SNX29: variants seen among roughly 807,000 people sequenced by gnomAD.
SNX29 encodes sorting nexin 29, also known as sorting nexin-29.
A neutral mutation model predicts 102.1 loss-of-function variants in SNX29; 78 were observed. The ratio of observed to expected loss-of-function variants is 0.76; its 90% CI spans 0.64 to 0.92. The LOEUF (loss-of-function observed/expected upper bound fraction) is 0.92. Ranked by LOEUF, SNX29 falls within the 40% of genes least tolerant of loss-of-function variation. The pLI, the probability that SNX29 is intolerant of heterozygous loss-of-function variation, is 0.00. For missense variants in SNX29, 1,280 were observed against 1,061.7 expected, an observed-to-expected ratio of 1.21 and a Z score of -2.86; for synonymous variants, 580 against 414.5, an observed-to-expected ratio of 1.40 and a Z score of -4.85.
chr16:12,553,429 C>T (rs888437716), intron 20 of SNX29, among the ~76,000 whole-genome samples: 3 of 152,200 alleles, frequency 2.0e-5, no homozygotes, highest in East Asian at 1.9e-4. Context: ...GTCTGACACA[C>T]TCCAACCTGC....
intron 20 of SNX29, among the ~76,000 whole-genome samples, chr16:12,556,179 A>G (rs1211065255): frequency 6.6e-6 from 1 of 152,190 alleles, no homozygotes; most frequent in Non-Finnish European, 1.5e-5. Flanking sequence ...GACACATCCC[A>G]GATGTTGCTG....
chr16:11,993,527 G>A (rs1299705545), intron 1 of SNX29, among the ~76,000 whole-genome samples: 1 of 152,122 alleles, frequency 6.6e-6, no homozygotes, highest in African/African-American at 2.4e-5. Context: ...TTAAATGCTT[G>A]GTATATACCA....
At chr16:12,395,207 A>G (rs533316184) in intron 16 of SNX29, among the ~76,000 whole-genome samples, 2 of 152,268 alleles carry the variant, frequency 1.3e-5, no homozygotes, top group African/African-American at 4.8e-5. Flanking sequence ...AGGTTTGAGG[A>G]CTTGCCAGTC....
intron 13 of SNX29, among the ~76,000 whole-genome samples, chr16:12,138,356 T>A (rs956945793): frequency 2.0e-5 from 3 of 151,964 alleles, no homozygotes; most frequent in Non-Finnish European, 4.4e-5. Context: ...TACAGGCATG[T>A]GCCACCATGC....
intron 19 of SNX29, among the ~76,000 whole-genome samples, chr16:12,479,266 C>G (rs981243918): frequency 3.9e-5 from 6 of 152,146 alleles, no homozygotes; most frequent in East Asian, 1.9e-4. Context: ...CCATATGGGG[C>G]GAATCCCTAG....
chr16:12,200,828 C>T (rs1429208498), intron 14 of SNX29, among the ~76,000 whole-genome samples: 1 of 152,178 alleles, frequency 6.6e-6, no homozygotes, highest in Non-Finnish European at 1.5e-5. Flanking sequence ...AATTCATGCT[C>T]ACCCACGACC....
At chr16:12,008,627 T>C (rs952830673) in intron 3 of SNX29, among the ~76,000 whole-genome samples, 3 of 152,088 alleles carry the variant, frequency 2.0e-5, no homozygotes, top group South Asian at 2.1e-4. Flanking sequence ...AAACAATATG[T>C]TTTTCGTATG....
At chr16:12,344,505 T>C (rs1243975169) in intron 15 of SNX29, among the ~76,000 whole-genome samples, 1 of 152,164 alleles carries the variant, frequency 6.6e-6, no homozygotes, top group African/African-American at 2.4e-5. Context: ...TGGCAAATGG[T>C]AGATGCTCAG....
At chr16:12,415,251 A>G (rs1039700972) in intron 18 of SNX29, among the ~76,000 whole-genome samples, 33 of 152,240 alleles carry the variant, frequency 2.2e-4, no homozygotes, top group African/African-American at 7.2e-4. Context: ...AGCGCTGTAC[A>G]AGCGCCACAC....
chr16:12,175,088 G>A (rs949065376), intron 13 of SNX29, among the ~76,000 whole-genome samples: 2 of 152,130 alleles, frequency 1.3e-5, no homozygotes, highest in Admixed American at 6.6e-5. Flanking sequence ...ATTATTTGGG[G>A]ATTATTCTGT....
intron 14 of SNX29, among the ~76,000 whole-genome samples, chr16:12,202,318 A>G (rs1190500375): frequency 1.3e-5 from 2 of 152,088 alleles, no homozygotes; most frequent in Admixed American, 6.5e-5. Flanking sequence ...TGGCTTCATT[A>G]TCTAATGGAA....
At chr16:12,289,282 T>A (rs1434751247) in intron 15 of SNX29, among the ~76,000 whole-genome samples, 1 of 152,236 alleles carries the variant, frequency 6.6e-6, no homozygotes, top group Non-Finnish European at 1.5e-5. Flanking sequence ...CTACTGGCAC[T>A]GTCTTCTTCT....
intron 4 of SNX29, among the ~76,000 whole-genome samples, chr16:12,031,876 C>T (rs149755620): frequency 1.8e-4 from 27 of 152,220 alleles, no homozygotes; most frequent in Middle Eastern, 3.4e-3. Flanking sequence ...CCATTTCAGC[C>T]ATTTGAAGTG....
At chr16:12,185,707 T>C (rs2141864691) in intron 13 of SNX29, among the ~76,000 whole-genome samples, 1 of 152,342 alleles carries the variant, frequency 6.6e-6, no homozygotes, top group South Asian at 2.1e-4. Flanking sequence ...GACTGTGACT[T>C]GTGCAAGAGC....
At chr16:12,518,586 C>A (rs1259989354) in intron 19 of SNX29, among the ~76,000 whole-genome samples, 1 of 152,204 alleles carries the variant, frequency 6.6e-6, no homozygotes, top group African/African-American at 2.4e-5. Context: ...AGATATTCCT[C>A]CCTGCGAGGT....
At chr16:12,503,513 A>T (rs1194452750) in intron 19 of SNX29, among the ~76,000 whole-genome samples, 1 of 152,210 alleles carries the variant, frequency 6.6e-6, no homozygotes, top group Non-Finnish European at 1.5e-5. Flanking sequence ...GGGGATGCCC[A>T]GGGAGTATCA....
At chr16:12,295,357 A>T (rs749808644) in intron 15 of SNX29, among the ~76,000 whole-genome samples, 6 of 152,208 alleles carry the variant, frequency 3.9e-5, no homozygotes, top group Non-Finnish European at 8.8e-5. Context: ...ATTCCTGAAC[A>T]TTCCTTCTCT....
intron 15 of SNX29, among the ~76,000 whole-genome samples, chr16:12,315,825 TAG>T: frequency 6.6e-6 from 1 of 152,332 alleles, no homozygotes; most frequent in South Asian, 2.1e-4. Flanking sequence ...TGACTCATGG[TAG>T]AGAGTTTGTC....
chr16:12,488,273 G>C (rs1426909051), intron 19 of SNX29, among the ~76,000 whole-genome samples: 1 of 152,034 alleles, frequency 6.6e-6, no homozygotes, highest in Non-Finnish European at 1.5e-5. Flanking sequence ...GACTCCTCTT[G>C]GTGGTCTCAA....
Sources: allele counts gnomAD v4.1 joint callset (sites outside exome capture counted in the v4.1 genomes callset), GRCh38; gene constraint gnomAD v4.1.1; transcripts MANE v1.5; gene names NCBI Gene and HGNC (gene_info 2026-07-23, HGNC 2026-07-21).